PRKCA: variants seen among roughly 807,000 people sequenced by gnomAD.
PRKCA encodes the protein protein kinase C alpha type.
In PRKCA, 27 loss-of-function variants were observed where a neutral mutation model predicts 87.0. The observed-to-expected ratio is 0.31, with a 90% CI of 0.23 to 0.43. The LOEUF is 0.43. Among genes scored for constraint, PRKCA ranks in the 20% least tolerant of loss-of-function variants. The pLI, the probability that PRKCA is intolerant of heterozygous loss-of-function variation, is 1.00. For missense variants in PRKCA, 518 were observed against 852.3 expected (o/e 0.61, Z 4.88); for synonymous variants, 329 against 311.1 (o/e 1.06, Z -0.61).
At chr17:66,321,552 A>C (rs1262380160) in intron 2 of PRKCA, among the ~76,000 whole-genome samples, 1 of 152,054 alleles carries the variant, frequency 6.6e-6, no homozygotes, top group Non-Finnish European at 1.5e-5. Flanking sequence ...CTCACTTTTT[A>C]AAAATTTTTT....
chr17:66,538,936 T>G (rs1001081893), intron 3 of PRKCA, among the ~76,000 whole-genome samples: 1 of 152,226 alleles, frequency 6.6e-6, no homozygotes, highest in African/African-American at 2.4e-5. Context: ...CCCCGGTATC[T>G]GAGGCCCTCA....
chr17:66,534,891 C>T (rs1050666952), intron 3 of PRKCA, among the ~76,000 whole-genome samples: 1 of 152,040 alleles, frequency 6.6e-6, no homozygotes, highest in Admixed American at 6.6e-5. Flanking sequence ...TTTTATTAAT[C>T]CGGAGATTTC....
At chr17:66,715,721 T>C (rs1276833260) in intron 8 of PRKCA, among the ~76,000 whole-genome samples, 2 of 152,158 alleles carry the variant, frequency 1.3e-5, no homozygotes, top group Non-Finnish European at 2.9e-5. Flanking sequence ...GGTCATCTAC[T>C]ATAAAGGATA....
rs555277926 is a variant in PRKCA at position 66,353,797 on chromosome 17, AT to A, written c.205+47675del. 6.6e-5 allele frequency among the ~76,000 whole-genome samples: 10 copies of A among 152,228 alleles called. No homozygotes were observed. The East Asian group carries it at 1.5e-3, about 24-fold the overall frequency. On this transcript the variant is annotated intron_variant, in intron 2 of 16. Transcript: ENST00000413366. ...AATGAAGGAATTAAGATGGTCTGAG[AT>A]TTTTGTGGCTTGCTCTGTGTTTTAT...
At chr17:66,414,106 G>A (rs952156016) in intron 2 of PRKCA, among the ~76,000 whole-genome samples, 1 of 152,016 alleles carries the variant, frequency 6.6e-6, no homozygotes, top group African/African-American at 2.4e-5. Flanking sequence ...GGTTTCAGGA[G>A]CTCTACATCA....
intron 3 of PRKCA, among the ~76,000 whole-genome samples, chr17:66,550,626 G>A (rs1598760823): frequency 6.9e-6 from 1 of 145,574 alleles, no homozygotes; most frequent in African/African-American, 2.6e-5. Context: ...TCCAGCCTGG[G>A]TGACAGAGTG....
chr17:66,471,625 A>T (rs1162426247), intron 2 of PRKCA, among the ~76,000 whole-genome samples: 1 of 151,820 alleles, frequency 6.6e-6, no homozygotes, highest in Non-Finnish European at 1.5e-5. Flanking sequence ...AATTTGGAAA[A>T]TTGAATGGAC....
At chr17:66,707,762 C>T (rs1268309527) in intron 8 of PRKCA, among the ~76,000 whole-genome samples, 1 of 152,120 alleles carries the variant, frequency 6.6e-6, no homozygotes, top group Non-Finnish European at 1.5e-5. Flanking sequence ...CTGGAAACGA[C>T]CCCTGACCCT....
chr17:66,518,395 GT>G (rs1967041225), intron 3 of PRKCA, among the ~76,000 whole-genome samples: 1 of 152,152 alleles, frequency 6.6e-6, no homozygotes, highest in Admixed American at 6.5e-5. Flanking sequence ...AGAAACTCCT[GT>G]TTCGTAAGAT....
At chr17:66,533,114 A>G (rs1170486695) in intron 3 of PRKCA, among the ~76,000 whole-genome samples, 2 of 152,210 alleles carry the variant, frequency 1.3e-5, no homozygotes, top group Non-Finnish European at 2.9e-5. Context: ...TACCTCTTAG[A>G]GAATACCTTT....
chr17:66,719,052 C>A (rs1973548114), intron 8 of PRKCA, among the ~76,000 whole-genome samples: 1 of 152,046 alleles, frequency 6.6e-6, no homozygotes, highest in Admixed American at 6.6e-5. Flanking sequence ...TTGTTTGTGA[C>A]CTCCCCAAAA....
intron 3 of PRKCA, among the ~76,000 whole-genome samples, chr17:66,590,139 G>A (rs1243960336): frequency 1.3e-5 from 2 of 152,152 alleles, no homozygotes; most frequent in Non-Finnish European, 2.9e-5. Flanking sequence ...GGAGGCAGCA[G>A]GCTCAGGACA....
chr17:66,481,470 G>T (rs761781264), intron 2 of PRKCA, among the ~76,000 whole-genome samples: 3 of 152,102 alleles, frequency 2.0e-5, no homozygotes, highest in South Asian at 4.2e-4. Context: ...TCATGTAAGA[G>T]TGACACGATT....
intron 2 of PRKCA, among the ~76,000 whole-genome samples, chr17:66,307,238 A>G (rs1904867007): frequency 6.6e-6 from 1 of 152,110 alleles, no homozygotes; most frequent in South Asian, 2.1e-4. Flanking sequence ...TCATTTTCAG[A>G]GTTGCATTTG....
At chr17:66,443,618 G>T (rs1913882085) in intron 2 of PRKCA, among the ~76,000 whole-genome samples, 1 of 152,184 alleles carries the variant, frequency 6.6e-6, no homozygotes, top group Admixed American at 6.5e-5. Context: ...TCCACACACA[G>T]CCTGCTGTGC....
At chr17:66,699,839 T>A (rs534866148) in intron 8 of PRKCA, among the ~76,000 whole-genome samples, 1 of 152,354 alleles carries the variant, frequency 6.6e-6, no homozygotes, top group South Asian at 2.1e-4. Context: ...AGGCTTGTCC[T>A]CCCTTTGCTG....
chr17:66,557,093 G>A (rs756319686), intron 3 of PRKCA, among the ~76,000 whole-genome samples: 4 of 152,196 alleles, frequency 2.6e-5, no homozygotes, highest in Non-Finnish European at 4.4e-5. Context: ...CCCTTGCGCT[G>A]AGAGGGAATT....
chr17:66,441,137 G>A (rs1007065866), intron 2 of PRKCA, among the ~76,000 whole-genome samples: 3 of 147,888 alleles, frequency 2.0e-5, no homozygotes, highest in South Asian at 2.2e-4. Context: ...ACTCCAGCCT[G>A]GGAGACAAAG....
rs895690754 is a variant in PRKCA at position 66,357,348 on chromosome 17, A to G, written c.205+51221A>G. Among the ~76,000 whole-genome samples, 3 of 152,176 alleles carry G rather than the reference A, an allele frequency of 2.0e-5. No individual in the cohort carries two copies. The East Asian group carries it at 5.8e-4, about 29-fold the overall frequency. ...ATTACTATTATACTTTTTAATGGCA[A>G]TGAGCTGTAGATACAAAGCCAGCTT... On this transcript the variant is annotated intron_variant, in intron 2 of 16. Transcript: ENST00000413366.
Sources: gnomAD v4.1 joint callset for allele counts (sites outside exome capture counted in the v4.1 genomes callset) on GRCh38, gnomAD v4.1.1 for gene constraint, MANE v1.5 for transcripts, NCBI Gene and HGNC (gene_info 2026-07-23, HGNC 2026-07-21) for gene names.